BRD10: variants seen among roughly 807,000 people sequenced by gnomAD.
BRD10 encodes the protein bromodomain containing 10.
At chr9:5,980,737 C>A in the BRD10 span, among the ~76,000 whole-genome samples, 1 of 152,006 alleles carries the variant, frequency 6.6e-6, no homozygotes, top group Non-Finnish European at 1.5e-5. Context: ...TGTGTCTGCC[C>A]AGATGATCAG....
At chr9:5,881,205 C>A in the BRD10 span, among the ~76,000 whole-genome samples, 4 of 152,090 alleles carry the variant, frequency 2.6e-5, no homozygotes, top group African/African-American at 7.2e-5. Flanking sequence ...AGCAGGGAGA[C>A]AGAAATGAGC....
the BRD10 span, among the ~76,000 whole-genome samples, chr9:5,987,666 G>A: frequency 1.3e-5 from 2 of 152,150 alleles, no homozygotes; most frequent in South Asian, 2.1e-4. Context: ...AATTGCCTCT[G>A]ACCAGCATTA....
chr9:5,972,039 T>TGCCA, the BRD10 span, among the ~76,000 whole-genome samples: 1,465 of 152,324 alleles, frequency 9.6e-3, 22 homozygotes, highest in African/African-American at 0.033. Flanking sequence ...TGTGGTTTCA[T>TGCCA]GCCAATATTG....
At chr9:5,919,080 G>A in the BRD10 span, 1 of 152,460 alleles carries the variant, frequency 6.6e-6, no homozygotes, top group African/African-American at 2.4e-5. Context: ...CAGTTCACTG[G>A]TCCAAAATTA....
chr9:5,946,784 T>C, the BRD10 span, among the ~76,000 whole-genome samples: 2 of 152,086 alleles, frequency 1.3e-5, no homozygotes, highest in Non-Finnish European at 2.9e-5. Flanking sequence ...TGCATGCAGT[T>C]TGTAGAAATT....
the BRD10 span, among the ~76,000 whole-genome samples, chr9:5,985,869 G>T: frequency 6.6e-6 from 1 of 151,634 alleles, no homozygotes; most frequent in South Asian, 2.1e-4. Flanking sequence ...ATTAAGATGG[G>T]GTATCTTCTA....
the BRD10 span, chr9:5,922,082 G>C: frequency 6.2e-7 from 1 of 1,614,028 alleles, no homozygotes; most frequent in African/African-American, 1.3e-5. Context: ...TGAAGATACA[G>C]TATTGGGTGA....
At chr9:5,981,899 A>T in the BRD10 span, among the ~76,000 whole-genome samples, 3 of 152,186 alleles carry the variant, frequency 2.0e-5, no homozygotes, top group Non-Finnish European at 4.4e-5. Context: ...AAAGTTGTTA[A>T]GAGATAAAAG....
chr9:5,938,774 T>C, the BRD10 span, among the ~76,000 whole-genome samples: 1 of 152,206 alleles, frequency 6.6e-6, no homozygotes, highest in Non-Finnish European at 1.5e-5. Flanking sequence ...TAGTTTTCAG[T>C]TTTGTTAACC....
chr9:5,994,816 C>A, the BRD10 span, among the ~76,000 whole-genome samples: 1 of 152,124 alleles, frequency 6.6e-6, no homozygotes, highest in African/African-American at 2.4e-5. Context: ...CAGCTGGGCT[C>A]AACTGTACCT....
the BRD10 span, among the ~76,000 whole-genome samples, chr9:5,935,356 C>T: frequency 1.3e-5 from 2 of 152,268 alleles, no homozygotes; most frequent in East Asian, 3.9e-4. Flanking sequence ...ATAATGATAA[C>T]ATTTCAAGTT....
At chr9:5,934,563 A>G in the BRD10 span, among the ~76,000 whole-genome samples, 1 of 151,914 alleles carries the variant, frequency 6.6e-6, no homozygotes, top group Non-Finnish European at 1.5e-5. Flanking sequence ...ATGAGGCTTC[A>G]CCATATTGAC....
chr9:5,984,720 A>G, the BRD10 span, among the ~76,000 whole-genome samples: 1 of 152,160 alleles, frequency 6.6e-6, no homozygotes, highest in African/African-American at 2.4e-5. Context: ...AAATTTTAAA[A>G]TGACTTACAA....
the BRD10 span, among the ~76,000 whole-genome samples, chr9:5,948,437 C>T: frequency 2.6e-5 from 4 of 151,870 alleles, no homozygotes; most frequent in Admixed American, 2.6e-4. Flanking sequence ...ATTAAAAGGT[C>T]CTCTCTTCAA....
At chr9:5,904,776 CTTT>C in the BRD10 span, among the ~76,000 whole-genome samples, 3 of 128,916 alleles carry the variant, frequency 2.3e-5, no homozygotes, top group Non-Finnish European at 5.0e-5. Context: ...AGTTACACTT[CTTT>C]TTTTTTTTTT....
At chr9:6,006,310 A>C in the BRD10 span, among the ~76,000 whole-genome samples, 1 of 152,352 alleles carries the variant, frequency 6.6e-6, no homozygotes, top group East Asian at 1.9e-4. Context: ...AGGTTAAGTG[A>C]CTTGCTCAAC....
the BRD10 span, chr9:5,919,786 T>TG: frequency 1.2e-6 from 2 of 1,613,478 alleles, no homozygotes. Flanking sequence ...GAGAGAGAGA[T>TG]GGAGAGAGTG....
the BRD10 span, chr9:5,954,195 C>A: frequency 1.5e-6 from 1 of 668,670 alleles, no homozygotes; most frequent in South Asian, 1.8e-5. Flanking sequence ...TTGTAACTAA[C>A]AGATGGCTGC....
chr9:5,998,416 T>A, the BRD10 span, among the ~76,000 whole-genome samples: 2 of 152,118 alleles, frequency 1.3e-5, no homozygotes, highest in African/African-American at 2.4e-5. Flanking sequence ...AACATTTTAA[T>A]AATCTATATT....
Sources: gnomAD v4.1 joint callset for allele counts (sites outside exome capture counted in the v4.1 genomes callset) on GRCh38, gnomAD v4.1.1 for gene constraint, MANE v1.5 for transcripts, NCBI Gene and HGNC (gene_info 2026-07-23, HGNC 2026-07-21) for gene names.